The following MLANA variants were observed in gnomAD, a reference collection of about 807,000 sequenced individuals.
MLANA encodes melanoma antigen recognized by T-cells 1.
In MLANA, 21 loss-of-function variants were observed where a neutral mutation model predicts 15.7. The observed-to-expected ratio is 1.33, with a 90% CI of 0.95 to 1.92. The LOEUF (loss-of-function observed/expected upper bound fraction) is 1.92, where lower values mean the gene tolerates loss of function less well. Ranked by LOEUF, MLANA falls within the 40% of genes most tolerant of loss-of-function variation. MLANA has a pLI of 0.00. For missense variants in MLANA, 164 were observed against 143.8 expected (o/e 1.14, Z -0.72); for synonymous variants, 56 against 51.5 (o/e 1.09, Z -0.37).
At chr9:5,892,605 G>A in intron 2 of MLANA, 54 bp downstream of exon 2, 1 of 1,486,212 alleles carries the variant, frequency 6.7e-7, no homozygotes, top group Non-Finnish European at 9.3e-7. Context: ...TGCTGACACA[G>A]CCTGCTGACT....
In MLANA at chr9:5,909,851, T is replaced by G. The variant is rs770690348; in HGVS notation, c.*1143T>G. On this transcript the variant is annotated 3_prime_UTR_variant, in exon 5 of 5. Transcript: ENST00000381477. ...TGGTGTCATTATTTGCATAGCAACATTGCAATTTGTTTTCCTTTGGCTACA... is the reference window on the plus strand; with the variant it reads ...TGGTGTCATTATTTGCATAGCAACAGTGCAATTTGTTTTCCTTTGGCTACA... 67 of 152,200 alleles carry G rather than the reference T, an allele frequency of 4.4e-4. No homozygotes were observed. Among genetic ancestry groups the G allele is most frequent in the Admixed American group, 9.8e-4 (15 of 15,284 alleles). The allele number at this position is 152,200 out of a possible 1,614,324, so 9.4% of individuals were successfully genotyped here.
intron 3 of MLANA, among the ~76,000 whole-genome samples, chr9:5,905,414 G>C (rs1832736184): frequency 6.6e-6 from 1 of 152,148 alleles, no homozygotes; most frequent in South Asian, 2.1e-4. Context: ...GAGATTACAG[G>C]ACTGACAGAA....
At chr9:5,896,431 C>T (rs934073953) in intron 2 of MLANA, among the ~76,000 whole-genome samples, 2 of 152,174 alleles carry the variant, frequency 1.3e-5, no homozygotes, top group South Asian at 2.1e-4. Flanking sequence ...TCCCATGGTT[C>T]GCTCTATCCT....
intron 1 of MLANA, among the ~76,000 whole-genome samples, chr9:5,891,858 AG>A (rs1831676004): frequency 6.6e-6 from 1 of 152,212 alleles, no homozygotes; most frequent in South Asian, 2.1e-4. Flanking sequence ...GACAGGCTGA[AG>A]CCCCTGTGTG....
intron 3 of MLANA, chr9:5,898,928 T>A (rs1334144914): frequency 6.6e-6 from 1 of 152,200 alleles, no homozygotes; most frequent in East Asian, 1.9e-4. Flanking sequence ...TAATAGTATT[T>A]TTTTCTTCTT....
intron 3 of MLANA, among the ~76,000 whole-genome samples, chr9:5,903,107 T>G (rs1351931638): frequency 6.6e-6 from 1 of 152,070 alleles, no homozygotes; most frequent in Non-Finnish European, 1.5e-5. Context: ...AAGTGTGTTG[T>G]TTAATCTCCA....
intron 2 of MLANA, 120 bp from the exon 3 acceptor site, chr9:5,897,437 A>G: frequency 2.3e-6 from 2 of 873,486 alleles, no homozygotes; most frequent in Non-Finnish European, 3.7e-6. Context: ...CTACTTGGAC[A>G]CTGGGAGATG....
chr9:5,908,745 T>C lies in MLANA; in HGVS notation c.*37T>C. The stretch of plus-strand genomic sequence containing the variant: ...ACACCTGAGACATGCTGAAATTATT[T>C]CTCTCACACTTTTGCTTGAATTTAA... On this transcript the variant is annotated 3_prime_UTR_variant, in exon 5 of 5. Coordinates refer to ENST00000381477, the MANE Select transcript of MLANA (RefSeq NM_005511.2). 1 of 1,577,964 alleles carries C rather than the reference T, an allele frequency of 6.3e-7. No individual in the cohort carries two copies. Among genetic ancestry groups the C allele is most frequent in the Non-Finnish European group, 8.7e-7 (1 of 1,147,424 alleles).
chr9:5,902,388 T>C (rs1378922991), intron 3 of MLANA, among the ~76,000 whole-genome samples: 2 of 152,232 alleles, frequency 1.3e-5, no homozygotes, highest in African/African-American at 4.8e-5. Flanking sequence ...TAAAGGCTTA[T>C]CAATTTTATT....
intron 3 of MLANA, among the ~76,000 whole-genome samples, chr9:5,905,562 T>C (rs889246248): frequency 1.3e-5 from 2 of 152,244 alleles, no homozygotes; most frequent in Non-Finnish European, 2.9e-5. Context: ...GACTCTGGTA[T>C]AGCATCACAT....
At chr9:5,904,287 G>C (rs1832649078) in intron 3 of MLANA, among the ~76,000 whole-genome samples, 1 of 152,174 alleles carries the variant, frequency 6.6e-6, no homozygotes, top group South Asian at 2.1e-4. Flanking sequence ...GGTGCATTTA[G>C]ACCATTGATA....
Position 5,908,880 on chromosome 9 carries a change from T to C in MLANA, c.*172T>C, listed in dbSNP as rs1482806561. ...AGGTCCGCTAGCAGTACTAATCATG[T>C]GAGGAAATGATGAGAAATATTAAAT... On this transcript the variant is annotated 3_prime_UTR_variant, in exon 5 of 5. Coordinates refer to ENST00000381477, the MANE Select transcript of MLANA (RefSeq NM_005511.2). The C allele has an allele frequency of 1.7e-6, 1 of 587,488 alleles. No individual in the cohort carries two copies. The highest frequency in any genetic ancestry group is 1.9e-5 in the African/African-American group (1 of 53,138). 36.4% of individuals were successfully genotyped at this position (587,488 alleles called of 1,614,324 possible).
intron 2 of MLANA, 77 bp downstream of exon 2, chr9:5,892,628 T>C: frequency 2.6e-6 from 3 of 1,163,962 alleles, no homozygotes; most frequent in Non-Finnish European, 3.7e-6. Flanking sequence ...CACCAGTACA[T>C]GCCTGCTCGT....
Position 5,908,861 on chromosome 9 carries a change from G to C in MLANA, c.*153G>C. Reference sequence around the variant, plus strand: ...TCAGTGTTAAAATTTTAGTAGGTCCGCTAGCAGTACTAATCATGTGAGGAA... The same window carrying C: ...TCAGTGTTAAAATTTTAGTAGGTCCCCTAGCAGTACTAATCATGTGAGGAA... On this transcript the variant is annotated 3_prime_UTR_variant, in exon 5 of 5. Transcript: ENST00000381477. 1.5e-6 allele frequency: 1 copy of C among 646,568 alleles called. No homozygotes were observed. Among genetic ancestry groups the C allele is most frequent in the South Asian group, 1.9e-5 (1 of 51,884 alleles). The allele number at this position is 646,568 out of a possible 1,614,324, so 40.1% of individuals were successfully genotyped here.
chr9:5,899,076 A>G (rs1832237936), intron 3 of MLANA: 1 of 152,218 alleles, frequency 6.6e-6, no homozygotes, highest in Admixed American at 6.5e-5. Flanking sequence ...AAAGCCAGGT[A>G]GCACTTCAGC....
chr9:5,891,473 G>T (rs916995421), intron 1 of MLANA, among the ~76,000 whole-genome samples: 1 of 152,106 alleles, frequency 6.6e-6, no homozygotes, highest in Non-Finnish European at 1.5e-5. Context: ...AGTGGAAAGG[G>T]GTCATGTGTC....
intron 1 of MLANA, chr9:5,891,373 G>C (rs1010194987): frequency 2.0e-5 from 3 of 152,200 alleles, no homozygotes; most frequent in African/African-American, 7.2e-5. Flanking sequence ...ACAGGGTTCA[G>C]TCCTATATTA....
Position 5,909,105 on chromosome 9 carries a change from G to A in MLANA, c.*397G>A. 1 of 239,506 alleles carries A rather than the reference G, an allele frequency of 4.2e-6. No homozygotes were observed. 14.8% of individuals were successfully genotyped at this position (239,506 alleles called of 1,614,324 possible). On this transcript the variant is annotated 3_prime_UTR_variant, in exon 5 of 5. Transcript: ENST00000381477. ...CCTTGACCGACATGAACTGTACACAGAATTGTTCCAGTACTATGGAGTGCT... is the reference window on the plus strand; with the variant it reads ...CCTTGACCGACATGAACTGTACACAAAATTGTTCCAGTACTATGGAGTGCT...
chr9:5,908,579 C>T (rs1379958472), intron 4 of MLANA, 61 bp from the exon 5 acceptor site: 1 of 1,368,450 alleles, frequency 7.3e-7, no homozygotes, highest in Non-Finnish European at 1.0e-6. Context: ...TTAACTTAAT[C>T]CCTTCCTAGA....
Sources: gnomAD v4.1 joint callset for allele counts (sites outside exome capture counted in the v4.1 genomes callset) on GRCh38, gnomAD v4.1.1 for gene constraint, MANE v1.5 for transcripts, NCBI Gene and HGNC (gene_info 2026-07-23, HGNC 2026-07-21) for gene names.